Variants in GTF2A1L observed in about 807,000 individuals in gnomAD.
GTF2A1L encodes general transcription factor IIA subunit 1 like.
Under a neutral mutation model 49.7 loss-of-function variants are expected in GTF2A1L, and 48 were observed. That is an observed-to-expected ratio of 0.97 (90% confidence interval 0.77 to 1.23). The LOEUF is 1.23. Ranked by LOEUF, GTF2A1L falls within the 50% of genes most tolerant of loss-of-function variation. The pLI is 0.00. For missense variants in GTF2A1L, 736 were observed against 564.8 expected (o/e 1.30, Z -3.07); for synonymous variants, 246 against 193.5 (o/e 1.27, Z -2.25).
chr2:48,650,101 G>A (rs1572737593), intron 6 of GTF2A1L, among the ~76,000 whole-genome samples: 1 of 152,112 alleles, frequency 6.6e-6, no homozygotes, highest in Non-Finnish European at 1.5e-5. Context: ...GTCACCTGAA[G>A]TATGTCTGTC....
intron 7 of GTF2A1L, among the ~76,000 whole-genome samples, chr2:48,670,997 T>C (rs1334968698): frequency 4.6e-5 from 7 of 151,948 alleles, no homozygotes; most frequent in Non-Finnish European, 1.5e-5. Context: ...AATATTTATA[T>C]TTTTAGTAGA....
intron 6 of GTF2A1L, among the ~76,000 whole-genome samples, chr2:48,662,226 C>A (rs1016371825): frequency 6.6e-6 from 1 of 152,174 alleles, no homozygotes; most frequent in Non-Finnish European, 1.5e-5. Context: ...ATTTTATTTA[C>A]ACATTAACAT....
At chr2:48,655,012 G>A (rs1678091068) in intron 6 of GTF2A1L, among the ~76,000 whole-genome samples, 1 of 152,088 alleles carries the variant, frequency 6.6e-6, no homozygotes, top group African/African-American at 2.4e-5. Flanking sequence ...ATATTAGGAT[G>A]CGCTTGTCAA....
chr2:48,645,966 A>G (rs982105920), intron 5 of GTF2A1L, among the ~76,000 whole-genome samples: 13 of 140,978 alleles, frequency 9.2e-5, no homozygotes, highest in African/African-American at 3.4e-4. Context: ...TTTTTCTTTT[A>G]TAGTGTTATT....
At chr2:48,647,564 A>G (rs572908988) in intron 6 of GTF2A1L, among the ~76,000 whole-genome samples, 2 of 152,208 alleles carry the variant, frequency 1.3e-5, no homozygotes, top group Admixed American at 6.5e-5. Flanking sequence ...CAAATGTAAT[A>G]TACAAAAGAA....
At chr2:48,660,715 A>G (rs1367907653) in intron 6 of GTF2A1L, among the ~76,000 whole-genome samples, 2 of 152,014 alleles carry the variant, frequency 1.3e-5, no homozygotes, top group Non-Finnish European at 1.5e-5. Flanking sequence ...ATCTTGGCTC[A>G]CTGCAACCTC....
intron 6 of GTF2A1L, among the ~76,000 whole-genome samples, chr2:48,666,022 C>G (rs1386776287): frequency 6.6e-6 from 1 of 151,926 alleles, no homozygotes; most frequent in Non-Finnish European, 1.5e-5. Flanking sequence ...CAATCGATCC[C>G]TTTATTATAT....
At chr2:48,630,485 T>C (rs1026054729) in intron 3 of GTF2A1L, among the ~76,000 whole-genome samples, 1 of 144,546 alleles carries the variant, frequency 6.9e-6, no homozygotes, top group African/African-American at 2.5e-5. Context: ...GAAACTTAAC[T>C]GAAGACATGT....
At chr2:48,639,901 C>G (rs1442949943) in intron 3 of GTF2A1L, among the ~76,000 whole-genome samples, 1 of 152,080 alleles carries the variant, frequency 6.6e-6, no homozygotes, top group Admixed American at 6.6e-5. Flanking sequence ...TGAACAGACA[C>G]TTTTCAAAAG....
intron 3 of GTF2A1L, among the ~76,000 whole-genome samples, chr2:48,624,245 T>TCA (rs1156430708): frequency 1.4e-5 from 2 of 144,214 alleles, no homozygotes; most frequent in African/African-American, 4.9e-5. Flanking sequence ...AAACAAAAAT[T>TCA]TAAAAAATAT....
chr2:48,671,790 ACAG>A, intron 8 of GTF2A1L, 110 bp downstream of exon 8: 1 of 1,059,630 alleles, frequency 9.4e-7, no homozygotes, highest in Non-Finnish European at 1.3e-6. Flanking sequence ...ATTAATCAAA[ACAG>A]CAGTTTAATT....
At position 48,660,693 on chromosome 2, in the gene GTF2A1L, C is replaced by T. The variant is rs1013901048; in HGVS notation, c.979-9029C>T. On this transcript the variant is annotated intron_variant, in intron 6 of 8. Coordinates refer to ENST00000403751, the MANE Select transcript of GTF2A1L (RefSeq NM_006872.5). ...AGTCTCTGTCGCCCAGGCTGAAGTG[C>T]GGTGGTGTGTGATCTTGGCTCACTG... is the stretch of plus-strand genomic sequence containing the variant. Among the ~76,000 whole-genome samples, 15 of 151,790 alleles carry T rather than the reference C, an allele frequency of 9.9e-5. No individual in the cohort carries two copies. In the South Asian group the frequency reaches 1.0e-3, roughly 11 times the overall value.
At chr2:48,642,581 G>A (rs1193454684) in intron 4 of GTF2A1L, 124 bp downstream of exon 4, 11 of 907,090 alleles carry the variant, frequency 1.2e-5, no homozygotes, top group Middle Eastern at 2.9e-4. Flanking sequence ...GTGGCCGGGC[G>A]CGGTGGCTCA....
chr2:48,651,575 C>T (rs1034021814), intron 6 of GTF2A1L, among the ~76,000 whole-genome samples: 2 of 151,812 alleles, frequency 1.3e-5, no homozygotes. Context: ...GTAAAGAAAG[C>T]GTTGCTGTCT....
intron 6 of GTF2A1L, among the ~76,000 whole-genome samples, chr2:48,651,543 C>T: frequency 6.6e-6 from 1 of 151,374 alleles, no homozygotes; most frequent in East Asian, 1.9e-4. Context: ...AGATGCTTGG[C>T]AAACATGGTT....
intron 6 of GTF2A1L, among the ~76,000 whole-genome samples, chr2:48,650,319 G>T (rs1274370099): frequency 6.6e-6 from 1 of 152,058 alleles, no homozygotes; most frequent in East Asian, 1.9e-4. Flanking sequence ...AAAAAAAAGT[G>T]CAGGTCTACC....
Position 48,645,061 on chromosome 2 carries a change from C to A in GTF2A1L, c.332C>A (p.Thr111Asn), listed in dbSNP as rs764015178. 6.2e-7 allele frequency: 1 copy of A among 1,612,452 alleles called. No individual in the cohort carries two copies. The highest frequency in any genetic ancestry group is 1.3e-5 in the African/African-American group (1 of 74,780). Residue 111 changes from threonine (T) to asparagine (N), a missense_variant, in exon 5 of 9, where the codon ACT (threonine) becomes AAT (asparagine). Coordinates refer to ENST00000403751, the MANE Select transcript of GTF2A1L (RefSeq NM_006872.5). ...LGTSNSSANF[T>N]FPGYPIHVPA... ...ACTTCAAACTCCAGTGCAAACTTTA[C>A]TTTTCCTGGTTATCCCATTCATGTA...
chr2:48,666,640 C>CT (rs1678862444), intron 6 of GTF2A1L, among the ~76,000 whole-genome samples: 1 of 147,714 alleles, frequency 6.8e-6, no homozygotes, highest in South Asian at 2.2e-4. Context: ...TGTGTTCTTC[C>CT]TTTTTTCTGT....
rs1307027506 is a variant in GTF2A1L, at chr2:48,671,694, C to CT, written c.1329+18dup. The CT allele has an allele frequency of 1.2e-6, 2 of 1,600,492 alleles. No homozygotes were observed. The highest frequency in any genetic ancestry group is 1.7e-6 in the Non-Finnish European group (2 of 1,174,398). ...CAGTATGATAAGGTACTGTATTTAC[C>CT]TTTTGGACTTTGGGTTTATTAACTG... On this transcript the variant is annotated intron_variant, in intron 8 of 8. Transcript: ENST00000403751.
Sources: gnomAD v4.1 joint callset for allele counts (sites outside exome capture counted in the v4.1 genomes callset) on GRCh38, gnomAD v4.1.1 for gene constraint, MANE v1.5 for transcripts, NCBI Gene and HGNC (gene_info 2026-07-23, HGNC 2026-07-21) for gene names.